AGBL1: variants seen among roughly 807,000 people sequenced by gnomAD.
The protein encoded by AGBL1 is cytosolic carboxypeptidase 4.
Under a neutral mutation model 118.9 loss-of-function variants are expected in AGBL1, and 130 were observed. That is an observed-to-expected ratio of 1.09 (90% CI 0.95 to 1.26). AGBL1 has a LOEUF of 1.26. AGBL1 is among the 50% of genes most tolerant of loss of function. AGBL1 has a pLI of 0.00. For synonymous variants in AGBL1, 555 were observed against 478.9 expected (o/e 1.16, Z -2.08); for missense variants, 1,584 against 1,298.1 (o/e 1.22, Z -3.38).
chr15:86,768,189 A>G (rs1303086244), intron 22 of AGBL1, among the ~76,000 whole-genome samples: 5 of 151,942 alleles, frequency 3.3e-5, no homozygotes, highest in Non-Finnish European at 1.5e-5. Context: ...CGCAAATTTT[A>G]TTCAGTCTAA....
chr15:86,853,188 T>C (rs1567207645), intron 22 of AGBL1, among the ~76,000 whole-genome samples: 1 of 152,204 alleles, frequency 6.6e-6, no homozygotes. Flanking sequence ...AAAACAAAGA[T>C]TTATTTCTCC....
At chr15:86,520,335 C>CTAGG (rs1222176470) in intron 18 of AGBL1, among the ~76,000 whole-genome samples, 1 of 152,062 alleles carries the variant, frequency 6.6e-6, no homozygotes, top group African/African-American at 2.4e-5. Context: ...CAAAATAAAC[C>CTAGG]TAGGGGGAGA....
chr15:86,752,730 A>G (rs1036693670), intron 22 of AGBL1, among the ~76,000 whole-genome samples: 1 of 152,126 alleles, frequency 6.6e-6, no homozygotes, highest in African/African-American at 2.4e-5. Context: ...ATACCTTTGA[A>G]GCCATATTCT....
At chr15:86,261,614 ATT>A (rs10550603) in intron 9 of AGBL1, among the ~76,000 whole-genome samples, 8,118 of 149,914 alleles carry the variant, frequency 0.054, 262 homozygotes, top group South Asian at 0.12. Context: ...AACATATGGT[ATT>A]TTTTTTTTCT....
chr15:86,786,276 T>C (rs1299901799), intron 22 of AGBL1, among the ~76,000 whole-genome samples: 1 of 151,700 alleles, frequency 6.6e-6, no homozygotes, highest in East Asian at 1.9e-4. Context: ...CCCACAACAG[T>C]CCCTAGAGTG....
chr15:86,478,605 A>G (rs2082597734), intron 18 of AGBL1, among the ~76,000 whole-genome samples: 1 of 152,198 alleles, frequency 6.6e-6, no homozygotes, highest in African/African-American at 2.4e-5. Flanking sequence ...ATGGAAGAAC[A>G]TTCCATGCTC....
intron 24 of AGBL1, among the ~76,000 whole-genome samples, chr15:87,026,177 GC>G (rs2081724598): frequency 6.6e-6 from 1 of 152,012 alleles, no homozygotes; most frequent in South Asian, 2.1e-4. Flanking sequence ...AAACTAAAGA[GC>G]TTTTGCACGG....
intron 22 of AGBL1, among the ~76,000 whole-genome samples, chr15:86,823,848 T>C (rs1194415251): frequency 1.3e-5 from 2 of 152,172 alleles, no homozygotes; most frequent in Non-Finnish European, 2.9e-5. Context: ...ATAGAATTAT[T>C]GTGGAAAAAT....
chr15:86,798,826 G>A (rs979884765), intron 22 of AGBL1, among the ~76,000 whole-genome samples: 5 of 150,804 alleles, frequency 3.3e-5, no homozygotes, highest in Admixed American at 6.7e-5. Context: ...TCAGTTGTTC[G>A]TGGTGGAGTT....
chr15:86,573,950 T>G (rs1352907029), intron 21 of AGBL1, among the ~76,000 whole-genome samples: 1 of 152,214 alleles, frequency 6.6e-6, no homozygotes, highest in African/African-American at 2.4e-5. Flanking sequence ...ATACTTTCCC[T>G]TTTCAAAATG....
chr15:87,015,168 C>G (rs971811700), intron 24 of AGBL1, among the ~76,000 whole-genome samples: 1 of 152,164 alleles, frequency 6.6e-6, no homozygotes, highest in African/African-American at 2.4e-5. Context: ...CCTTTAGCCT[C>G]CCAGGCCTCT....
rs563132853 is a variant in AGBL1 at position 86,096,912 on chromosome 15, T to A, written c.51+16889T>A. Among the ~76,000 whole-genome samples, 3 of 152,294 alleles carry A rather than the reference T, an allele frequency of 2.0e-5. No homozygotes were observed. In the South Asian group the frequency reaches 6.2e-4, roughly 32 times the overall value. On this transcript the variant is annotated intron_variant, in intron 1 of 22. Transcript: ENST00000614907. ...CCAGTTTCTTAATCAGATATCTTTT[T>A]TCATGCTGACCAGGTATTAGCCCAC...
chr15:86,119,669 GTGTGT>G (rs1278745412), intron 1 of AGBL1, among the ~76,000 whole-genome samples: 1 of 151,868 alleles, frequency 6.6e-6, no homozygotes, highest in Non-Finnish European at 1.5e-5. Context: ...GTGTGTGTGT[GTGTGT>G]GTGTGTGTGT....
At chr15:86,271,477 C>T (rs1442125094) in intron 14 of AGBL1, 142 bp from the exon 15 acceptor site, 3 of 675,750 alleles carry the variant, frequency 4.4e-6, no homozygotes, top group Non-Finnish European at 5.2e-6. Flanking sequence ...TTAACTTAAT[C>T]ATATCTGCAA....
rs567030003 is a variant in AGBL1 at position 86,117,465 on chromosome 15, G to A, written c.52-24539G>A. 7.9e-5 allele frequency among the ~76,000 whole-genome samples: 12 copies of A among 152,222 alleles called. 1 individual carries two copies. The East Asian group carries it at 1.9e-3, about 24-fold the overall frequency. The stretch of plus-strand genomic sequence containing the variant: ...TTTCCCTGTGTGACTATTGTGTTGA[G>A]CAAGTTTTGTAACTTCTATGACCTA... On this transcript the variant is annotated intron_variant, in intron 1 of 22. Transcript: ENST00000614907.
chr15:86,319,743 G>GTTTTTTTTTTTTTTTTTTTTTTTTTTTTT (rs139831044), intron 17 of AGBL1, among the ~76,000 whole-genome samples: 3 of 47,230 alleles, frequency 6.4e-5, no homozygotes, highest in Non-Finnish European at 1.1e-4. Flanking sequence ...CTCTTTGGTA[G>GTTTTTTTTTTTTTTTTTTTTTTTTTTTTT]TTTTTTTTTT....
intron 22 of AGBL1, among the ~76,000 whole-genome samples, chr15:86,849,505 CTTTCTTTCTTTCTTT>C (rs1326546226): frequency 9.0e-6 from 1 of 111,592 alleles, no homozygotes; most frequent in Non-Finnish European, 2.0e-5. Context: ...TGATGGCTTT[CTTTCTTTCTTTCTTT>C]TTTTTTTTTT....
chr15:86,595,665 C>T (rs752006787), intron 21 of AGBL1, among the ~76,000 whole-genome samples: 2 of 152,140 alleles, frequency 1.3e-5, no homozygotes, highest in African/African-American at 2.4e-5. Context: ...TCTTCTTTCC[C>T]ACTGCACAGA....
At chr15:86,691,054 T>C (rs1384763323) in intron 22 of AGBL1, among the ~76,000 whole-genome samples, 1 of 152,112 alleles carries the variant, frequency 6.6e-6, no homozygotes, top group African/African-American at 2.4e-5. Flanking sequence ...AGGTTGCATT[T>C]TTTTTTCCTA....
Sources: allele counts gnomAD v4.1 joint callset (sites outside exome capture counted in the v4.1 genomes callset), GRCh38; gene constraint gnomAD v4.1.1; transcripts MANE v1.5; gene names NCBI Gene and HGNC (gene_info 2026-07-23, HGNC 2026-07-21).